The following PICALM variants were observed in gnomAD, a reference collection of about 807,000 sequenced individuals.
The protein encoded by PICALM is phosphatidylinositol-binding clathrin assembly protein.
Under a neutral mutation model 80.5 loss-of-function variants are expected in PICALM, and 40 were observed. That is an observed-to-expected ratio of 0.50 (90% CI 0.39 to 0.65). The LOEUF (loss-of-function observed/expected upper bound fraction) is 0.65, where lower values mean the gene tolerates loss of function less well. Among genes scored for constraint, PICALM ranks in the 30% least tolerant of loss-of-function variants. The pLI is 0.00. For missense variants in PICALM, 676 were observed against 778.9 expected (o/e 0.87, Z 1.57); for synonymous variants, 288 against 260.3 (o/e 1.11, Z -1.02).
intron 14 of PICALM, 75 bp from the exon 15 acceptor site, chr11:85,982,078 G>T: frequency 7.5e-7 from 1 of 1,326,846 alleles, no homozygotes; most frequent in Non-Finnish European, 1.1e-6. Context: ...GGAGGTCTTT[G>T]CCTTTTCTCC....
At chr11:86,058,587 C>T (rs953215673) in intron 1 of PICALM, among the ~76,000 whole-genome samples, 28 of 152,204 alleles carry the variant, frequency 1.8e-4, no homozygotes, top group Admixed American at 5.2e-4. Context: ...CTGGAATCAA[C>T]TTACTGATTA....
chr11:86,008,437 C>A (rs1406218468), intron 7 of PICALM, among the ~76,000 whole-genome samples: 2 of 151,940 alleles, frequency 1.3e-5, no homozygotes, highest in African/African-American at 4.8e-5. Context: ...CTGGCTAACA[C>A]AGTGAAACCC....
chr11:85,990,855 T>G (rs2094748737), intron 12 of PICALM, among the ~76,000 whole-genome samples: 1 of 152,136 alleles, frequency 6.6e-6, no homozygotes, highest in Non-Finnish European at 1.5e-5. Flanking sequence ...AAGCTGTTTT[T>G]GGCATGTGCA....
intron 19 of PICALM, among the ~76,000 whole-genome samples, chr11:85,971,975 G>T (rs1269936237): frequency 6.6e-6 from 1 of 151,976 alleles, no homozygotes; most frequent in Non-Finnish European, 1.5e-5. Flanking sequence ...TAGAGACAGG[G>T]TTTCACCATG....
intron 4 of PICALM, among the ~76,000 whole-genome samples, chr11:86,020,719 T>C (rs1479339314): frequency 1.3e-5 from 2 of 152,170 alleles, no homozygotes; most frequent in East Asian, 3.8e-4. Context: ...TCACACCATA[T>C]ACAAAAGTTA....
chr11:86,032,396 G>A (rs1296021083), intron 1 of PICALM, among the ~76,000 whole-genome samples: 1 of 152,164 alleles, frequency 6.6e-6, no homozygotes, highest in African/African-American at 2.4e-5. Context: ...CTGAGGTGGG[G>A]TGGATCACCC....
chr11:86,017,543 C>T (rs917204765), intron 4 of PICALM, among the ~76,000 whole-genome samples: 7 of 152,148 alleles, frequency 4.6e-5, no homozygotes, highest in Non-Finnish European at 7.3e-5. Context: ...CATACAATAT[C>T]CCATTTAATT....
At chr11:85,983,819 CT>C in intron 14 of PICALM, 46 bp downstream of exon 14, 1 of 764,714 alleles carries the variant, frequency 1.3e-6, no homozygotes, top group Non-Finnish European at 2.2e-6. Context: ...TACACAGAAT[CT>C]AAATTAGGAC....
intron 13 of PICALM, among the ~76,000 whole-genome samples, chr11:85,985,297 G>C (rs2094544135): frequency 6.6e-6 from 1 of 152,092 alleles, no homozygotes; most frequent in African/African-American, 2.4e-5. Flanking sequence ...TGTCCAAGAA[G>C]GTCCTCAAAG....
At chr11:86,051,539 C>T (rs1231346397) in intron 1 of PICALM, among the ~76,000 whole-genome samples, 4 of 152,032 alleles carry the variant, frequency 2.6e-5, no homozygotes, top group Admixed American at 1.3e-4. Context: ...CGTGCACTCA[C>T]AGTCCCAGCT....
intron 19 of PICALM, among the ~76,000 whole-genome samples, chr11:85,966,036 C>T (rs768609447): frequency 3.3e-5 from 5 of 151,770 alleles, no homozygotes; most frequent in Admixed American, 1.3e-4. Flanking sequence ...AGCCTGGTTT[C>T]GAACTCTTGA....
At chr11:86,012,863 A>T (rs2095421644) in intron 5 of PICALM, among the ~76,000 whole-genome samples, 1 of 152,186 alleles carries the variant, frequency 6.6e-6, no homozygotes. Context: ...AAATGAAAAC[A>T]ATTTACAAAA....
intron 19 of PICALM, among the ~76,000 whole-genome samples, chr11:85,970,346 A>G (rs10501602): frequency 0.1 from 15,575 of 152,278 alleles, 923 homozygotes; most frequent in Admixed American, 0.15. Flanking sequence ...ACTTATGGAA[A>G]AGACAAATAA....
chr11:85,986,125 T>TA (rs139815446), intron 13 of PICALM, among the ~76,000 whole-genome samples: 139 of 151,728 alleles, frequency 9.2e-4, no homozygotes, highest in African/African-American at 2.9e-3. Flanking sequence ...AGGGAAAAAG[T>TA]AAAAAAAAGT....
intron 7 of PICALM, among the ~76,000 whole-genome samples, chr11:86,009,292 CAAAAAAAAAAAAAA>C (rs10557244): frequency 4.8e-4 from 20 of 41,622 alleles, no homozygotes; most frequent in Middle Eastern, 0.025. Flanking sequence ...GTCTCTGTCT[CAAAAAAAAAAAAAA>C]AAAAAAAAAA....
At position 85,974,721 on chromosome 11, in the gene PICALM, A is replaced by G; in HGVS notation, c.1931T>C (p.Val644Ala). The change falls in exon 19 of 20, where the codon GTA (valine) becomes GCA (alanine). Residue 644 changes from valine (V) to alanine (A), a missense_variant. Val to Ala is a moderately conservative substitution (Grantham distance 64). Transcript: ENST00000393346. ...VMRPPNPFGP[V>A]SGAQIQFM ...AGTGTGTAATACCTGTGCTCCTGAT[A>G]CAGGGCCAAAGGGGTTTGGAGGTCT... 6.2e-7 allele frequency: 1 copy of G among 1,609,262 alleles called. No individual in the cohort carries two copies. Among genetic ancestry groups the G allele is most frequent in the South Asian group, 1.1e-5 (1 of 90,966 alleles).
intron 2 of PICALM, among the ~76,000 whole-genome samples, chr11:86,030,342 A>C (rs954243354): frequency 1.3e-5 from 2 of 152,210 alleles, no homozygotes; most frequent in African/African-American, 4.8e-5. Flanking sequence ...GTAGTTGTCA[A>C]AAAATAGTTT....
intron 7 of PICALM, among the ~76,000 whole-genome samples, chr11:86,009,359 TA>T (rs1273871469): frequency 1.8e-5 from 2 of 112,396 alleles, no homozygotes; most frequent in Non-Finnish European, 3.5e-5. Context: ...CACCTAAGAA[TA>T]AGTTAACAGC....
chr11:85,979,169 A>G lies in PICALM; in HGVS notation c.1779+1960T>C, dbSNP rs116210488. On this transcript the variant is annotated intron_variant, in intron 17 of 19. Coordinates refer to ENST00000393346, the MANE Select transcript of PICALM (RefSeq NM_007166.4). ...TGTGTATTTGTGTGTATAAAAATCT[A>G]AACTACTTAAATGCAAAGTTTTAAA... Among the ~76,000 whole-genome samples, 800 of 152,310 alleles carry G rather than the reference A, an allele frequency of 5.3e-3. 8 individuals are homozygous for G. Among genetic ancestry groups the G allele is most frequent in the African/African-American group, 0.018 (756 of 41,574 alleles).
Sources: allele counts gnomAD v4.1 joint callset (sites outside exome capture counted in the v4.1 genomes callset), GRCh38; gene constraint gnomAD v4.1.1; transcripts MANE v1.5; gene names NCBI Gene and HGNC (gene_info 2026-07-23, HGNC 2026-07-21).